Variants in ABR observed in about 807,000 individuals in gnomAD.
The protein encoded by ABR is ABR activator of RhoGEF and GTPase.
A neutral mutation model predicts 107.2 loss-of-function variants in ABR; 35 were observed. The observed-to-expected ratio is 0.33, with a 90% CI of 0.25 to 0.43. The LOEUF (loss-of-function observed/expected upper bound fraction) is 0.43. ABR is among the 20% of genes least tolerant of loss of function. The pLI, the probability that ABR is intolerant of heterozygous loss-of-function variation, is 1.00. For synonymous variants in ABR, 498 were observed against 462.0 expected, an observed-to-expected ratio of 1.08 and a Z score of -1.00; for missense variants, 815 against 1,115.2, an observed-to-expected ratio of 0.73 and a Z score of 3.83.
At chr17:1,113,053 G>GA (rs1238031443) in intron 2 of ABR, among the ~76,000 whole-genome samples, 4 of 152,022 alleles carry the variant, frequency 2.6e-5, no homozygotes, top group Admixed American at 6.6e-5. Context: ...TTAGCCGCCT[G>GA]CTGTGCACCA....
chr17:1,223,586 T>A (rs2150765353), intron 1 of ABR, among the ~76,000 whole-genome samples: 1 of 152,178 alleles, frequency 6.6e-6, no homozygotes, highest in South Asian at 2.1e-4. Flanking sequence ...AAAATGGAAA[T>A]AATAACAGCA....
intron 1 of ABR, among the ~76,000 whole-genome samples, chr17:1,208,937 C>T (rs530172794): frequency 1.8e-4 from 27 of 150,540 alleles, no homozygotes; most frequent in African/African-American, 5.2e-4. Flanking sequence ...CAGTTAAAGA[C>T]GGCAAGTGCT....
At chr17:1,171,835 C>T (rs1168479706) in intron 1 of ABR, among the ~76,000 whole-genome samples, 27 of 152,274 alleles carry the variant, frequency 1.8e-4, no homozygotes, top group South Asian at 6.2e-4. Context: ...GAGGCTGAGG[C>T]AGGAGAACTG....
intron 3 of ABR, among the ~76,000 whole-genome samples, chr17:1,096,381 A>G (rs934051404): frequency 6.6e-6 from 1 of 152,120 alleles, no homozygotes; most frequent in Non-Finnish European, 1.5e-5. Context: ...GAGGGAACGA[A>G]TTTCTTCTCC....
chr17:1,120,191 A>G (rs2039285973), intron 2 of ABR, among the ~76,000 whole-genome samples: 1 of 152,190 alleles, frequency 6.6e-6, no homozygotes, highest in Non-Finnish European at 1.5e-5. Context: ...GTTCAGCACA[A>G]GCCTCTCTAA....
At chr17:1,083,730 A>G in intron 4 of ABR, 103 bp from the exon 5 acceptor site, 2 of 917,402 alleles carry the variant, frequency 2.2e-6, no homozygotes, top group Non-Finnish European at 1.8e-6. Flanking sequence ...CCCTGCACTG[A>G]AAACCTCTCA....
chr17:1,064,148 A>G (rs1339495762), intron 10 of ABR, among the ~76,000 whole-genome samples: 17 of 122,564 alleles, frequency 1.4e-4, no homozygotes, highest in African/African-American at 5.4e-4. Context: ...ATGTTCCTCT[A>G]GACACTGTTA....
chr17:1,113,278 ATTTTTTTTTTT>A (rs33922708), intron 2 of ABR, among the ~76,000 whole-genome samples: 1 of 104,118 alleles, frequency 9.6e-6, no homozygotes, highest in Non-Finnish European at 1.8e-5. Context: ...ACCTATTGCG[ATTTTTTTTTTT>A]TTTTTTTTTT....
intron 4 of ABR, among the ~76,000 whole-genome samples, chr17:1,086,038 T>C (rs2151271938): frequency 6.6e-6 from 1 of 152,144 alleles, no homozygotes; most frequent in South Asian, 2.1e-4. Context: ...CCCAGCTACT[T>C]GGGAGGACAA....
At chr17:1,059,759 C>T (rs1305507540) in intron 10 of ABR, among the ~76,000 whole-genome samples, 1 of 152,256 alleles carries the variant, frequency 6.6e-6, no homozygotes, top group African/African-American at 2.4e-5. Context: ...CAAGGCCATC[C>T]TCAAGCTCCT....
Position 1,058,802 on chromosome 17 carries a change from G to A in ABR, c.1248C>T (p.Phe416=). 1.2e-6 allele frequency: 2 copies of A among 1,614,142 alleles called. No homozygotes were observed. Among genetic ancestry groups the A allele is most frequent in the South Asian group, 1.1e-5 (1 of 91,078 alleles). ...TTGTGGGGGAGTTGAGCAGCAGCAGGAACTCATTCTCAAACATCTTCTTCT... is the reference window on the plus strand; with the variant it reads ...TTGTGGGGGAGTTGAGCAGCAGCAGAAACTCATTCTCAAACATCTTCTTCT... ...RLKKKMFENE[F]LLLLNSPTIP... is the part of the protein sequence containing the mutation. The change falls in exon 11 of 23, where the codon TTC becomes TTT. Residue 416 remains phenylalanine (F), a synonymous_variant. Transcript: ENST00000302538.
intron 4 of ABR, among the ~76,000 whole-genome samples, chr17:1,085,426 CTT>C (rs1008800733): frequency 8.5e-5 from 13 of 152,106 alleles, no homozygotes; most frequent in African/African-American, 3.1e-4. Flanking sequence ...AATTTAAACT[CTT>C]AGACTACTCG....
rs542304842 is a variant in ABR at position 1,048,285 on chromosome 17, C to T, written c.1791+1765G>A. The stretch of plus-strand genomic sequence containing the variant: ...TCGGAAAGAGACGTGTTTAGGAACA[C>T]GGGGCGTATGCGGCAGAGGCCAGGC... On this transcript the variant is annotated intron_variant, in intron 16 of 22. Transcript: ENST00000302538. 2.1e-3 allele frequency among the ~76,000 whole-genome samples: 314 copies of T among 152,362 alleles called. 2 individuals are homozygous for T. The highest frequency in any genetic ancestry group is 2.8e-3 in the Non-Finnish European group (190 of 68,028).
At chr17:1,139,240 T>A (rs930217606) in intron 1 of ABR, among the ~76,000 whole-genome samples, 4 of 151,594 alleles carry the variant, frequency 2.6e-5, no homozygotes, top group Non-Finnish European at 5.9e-5. Flanking sequence ...AAAAAAGAGG[T>A]TTTTTTTGTT....
chr17:1,035,361 C>T (rs2073089649), intron 16 of ABR, among the ~76,000 whole-genome samples: 1 of 137,464 alleles, frequency 7.3e-6, no homozygotes, highest in Admixed American at 7.2e-5. Flanking sequence ...CCCTTCCACC[C>T]CCTACACCTG....
In ABR at chr17:1,011,604, C is replaced by G. The variant is rs1033773903; in HGVS notation, c.2101+242G>C. ...GTTTTAAGTCCAGAACCAAAACCTA[C>G]AAGTTGGGTCATCCTGGGCAAGTGA... On this transcript the variant is annotated intron_variant, in intron 19 of 22. Transcript: ENST00000302538. The surrounding 1 kb of genome is among the most constrained non-coding windows in gnomAD (Gnocchi z 4.8). 2.6e-6 allele frequency: 1 copy of G among 383,728 alleles called. No individual in the cohort carries two copies. The highest frequency in any genetic ancestry group is 2.1e-5 in the African/African-American group (1 of 48,520). 23.8% of individuals were successfully genotyped at this position (383,728 alleles called of 1,614,324 possible). A position where few individuals can be genotyped will look rare whatever the true frequency, so the allele number is the denominator to read the frequency against.
chr17:1,009,796 A>C lies in ABR; in HGVS notation c.2237-12T>G. On this transcript the variant is annotated splice_polypyrimidine_tract_variant and intron_variant, in intron 20 of 22. Transcript: ENST00000302538. ...AGGGTCTGACAGGGCTGTGGGAGAG[A>C]AGGGCCAGTGTGGCGTTTGGCTCCT... 1 of 1,611,962 alleles carries C rather than the reference A, an allele frequency of 6.2e-7. No individual in the cohort carries two copies. Among genetic ancestry groups the C allele is most frequent in the South Asian group, 1.1e-5 (1 of 91,054 alleles).
At chr17:1,089,832 C>T (rs1486126205) in intron 4 of ABR, among the ~76,000 whole-genome samples, 2 of 152,154 alleles carry the variant, frequency 1.3e-5, no homozygotes, top group East Asian at 1.9e-4. Flanking sequence ...TGATGGTGGG[C>T]GCCTGTAATC....
In ABR at chr17:1,013,164, G is replaced by T; in HGVS notation, c.1792C>A (p.Leu598Met). The T allele has an allele frequency of 1.2e-6, 2 of 1,614,092 alleles. No homozygotes were observed. Among genetic ancestry groups the T allele is most frequent in the Non-Finnish European group, 1.7e-6 (2 of 1,179,934 alleles). ...DKIMGKGQIQLDPQTVETKNW... is the reference protein window; with the variant it reads ...DKIMGKGQIQMDPQTVETKNW... ...TTGGTCTCCACGGTTTGTGGGTCCA[G>T]CTGCAGAGAGAGAATGTGGGTGAGA... The change falls in exon 17 of 23, where the codon CTG becomes ATG. Residue 598 changes from leucine (L) to methionine (M), a missense_variant and splice_region_variant. By Grantham distance (15) the Leu-to-Met change is conservative (BLOSUM62 2). This residue lies in a region of ABR where 92 missense variants were observed against 82.3 expected (regional missense o/e 1.12). Transcript: ENST00000302538.
Sources: allele counts gnomAD v4.1 joint callset (sites outside exome capture counted in the v4.1 genomes callset), GRCh38; gene constraint gnomAD v4.1.1; regional missense constraint gnomAD v4.1.1; non-coding constraint Gnocchi (gnomAD v3.1); transcripts MANE v1.5; gene names NCBI Gene and HGNC (gene_info 2026-07-23, HGNC 2026-07-21).